ARK2N: variants seen among roughly 807,000 people sequenced by gnomAD.
The protein encoded by ARK2N is protein ARK2N.
chr18:46,188,701 T>C, the ARK2N span, among the ~76,000 whole-genome samples: 1 of 152,184 alleles, frequency 6.6e-6, no homozygotes, highest in African/African-American at 2.4e-5. Flanking sequence ...TTTTGAAATG[T>C]CAACTTATCT....
At chr18:46,173,706 G>A in the ARK2N span, 2 of 152,458 alleles carry the variant, frequency 1.3e-5, no homozygotes, top group African/African-American at 4.8e-5. Context: ...AAGGGCTTCA[G>A]GAGGGGGTGA....
the ARK2N span, among the ~76,000 whole-genome samples, chr18:46,182,571 C>T: frequency 1.3e-5 from 2 of 151,948 alleles, no homozygotes; most frequent in African/African-American, 4.8e-5. Context: ...AAGTGAAACC[C>T]TGTCTCTATT....
the ARK2N span, chr18:46,216,517 T>G: frequency 1.9e-6 from 3 of 1,614,154 alleles, no homozygotes; most frequent in East Asian, 6.7e-5. The surrounding 1 kb of genome is among the most constrained non-coding windows in gnomAD (Gnocchi z 4.3). Flanking sequence ...TGACCTGACT[T>G]GTGACTCAAG....
the ARK2N span, chr18:46,264,582 A>G: frequency 3.9e-5 from 6 of 152,596 alleles, no homozygotes; most frequent in African/African-American, 1.4e-4. Flanking sequence ...CAGCAAACAA[A>G]TTTACCAAGT....
chr18:46,229,065 T>C, the ARK2N span, among the ~76,000 whole-genome samples: 1 of 152,158 alleles, frequency 6.6e-6, no homozygotes, highest in African/African-American at 2.4e-5. Flanking sequence ...ATATTAAAAA[T>C]TTTTCCTAAA....
the ARK2N span, among the ~76,000 whole-genome samples, chr18:46,239,512 T>C: frequency 6.6e-6 from 1 of 152,250 alleles, no homozygotes; most frequent in African/African-American, 2.4e-5. Flanking sequence ...AGTGTTAACC[T>C]TATTTCTTTA....
the ARK2N span, among the ~76,000 whole-genome samples, chr18:46,183,916 C>T: frequency 7.6e-3 from 1,149 of 150,382 alleles, 19 homozygotes; most frequent in African/African-American, 0.024. Flanking sequence ...CTCCGTCTCC[C>T]GGGTTCAAGC....
the ARK2N span, among the ~76,000 whole-genome samples, chr18:46,208,462 ATCTTTTTTTT>A: frequency 7.3e-6 from 1 of 136,882 alleles, no homozygotes; most frequent in Non-Finnish European, 1.5e-5. Flanking sequence ...CTGTTCTTAA[ATCTTTTTTTT>A]TTTTTTTTTT....
chr18:46,187,198 C>T, the ARK2N span, among the ~76,000 whole-genome samples: 17 of 149,460 alleles, frequency 1.1e-4, no homozygotes, highest in African/African-American at 4.2e-4. Flanking sequence ...AGGAGAATCG[C>T]TTGAACCCGG....
the ARK2N span, among the ~76,000 whole-genome samples, chr18:46,207,910 A>G: frequency 1.3e-5 from 2 of 152,032 alleles, no homozygotes; most frequent in African/African-American, 4.8e-5. Context: ...CCCCATTTTT[A>G]GTGCTCTGTA....
the ARK2N span, among the ~76,000 whole-genome samples, chr18:46,239,258 G>A: frequency 6.6e-6 from 1 of 152,152 alleles, no homozygotes; most frequent in African/African-American, 2.4e-5. Flanking sequence ...TCCTCTTCCA[G>A]TAAGAACTTC....
At chr18:46,219,855 G>T in the ARK2N span, among the ~76,000 whole-genome samples, 2 of 152,094 alleles carry the variant, frequency 1.3e-5, no homozygotes, top group African/African-American at 4.8e-5. Flanking sequence ...TGTTCATGGG[G>T]GGTCAGTTTC....
chr18:46,193,920 A>G, the ARK2N span, among the ~76,000 whole-genome samples: 14 of 151,968 alleles, frequency 9.2e-5, no homozygotes, highest in Non-Finnish European at 1.8e-4. Flanking sequence ...ATTGTAGTGG[A>G]TATTTACACA....
At chr18:46,251,919 C>T in the ARK2N span, among the ~76,000 whole-genome samples, 1,286 of 152,142 alleles carry the variant, frequency 8.5e-3, 53 homozygotes, top group East Asian at 0.12. Context: ...TGGCCAGGTG[C>T]GGTGGCTTAA....
the ARK2N span, among the ~76,000 whole-genome samples, chr18:46,208,280 A>T: frequency 2.0e-5 from 3 of 152,160 alleles, no homozygotes; most frequent in Non-Finnish European, 2.9e-5. Context: ...TTATGCTTTA[A>T]GAAATTTGCA....
At chr18:46,193,541 G>C in the ARK2N span, among the ~76,000 whole-genome samples, 1 of 150,652 alleles carries the variant, frequency 6.6e-6, no homozygotes, top group East Asian at 2.0e-4. Context: ...CACCCACCTC[G>C]GCCTCCCAAA....
the ARK2N span, chr18:46,216,574 A>G: frequency 1.2e-6 from 2 of 1,613,478 alleles, no homozygotes; most frequent in Non-Finnish European, 1.7e-6. This position sits in a 1 kb window ranked among gnomAD's most constrained non-coding sequence, Gnocchi z 4.3. Context: ...GAGCAGCAAG[A>G]CAATCACTGC....
chr18:46,182,054 C>T, the ARK2N span, among the ~76,000 whole-genome samples: 8 of 152,002 alleles, frequency 5.3e-5, no homozygotes, highest in Non-Finnish European at 1.0e-4. Flanking sequence ...TGTTAGGTGC[C>T]TTATAATTAG....
At chr18:46,227,724 A>C in the ARK2N span, among the ~76,000 whole-genome samples, 1 of 152,090 alleles carries the variant, frequency 6.6e-6, no homozygotes, top group African/African-American at 2.4e-5. Context: ...CAGCCTCCTA[A>C]GTAGTTGGGA....
Sources: gnomAD v4.1 joint callset for allele counts (sites outside exome capture counted in the v4.1 genomes callset) on GRCh38, gnomAD v4.1.1 for gene constraint, Gnocchi (gnomAD v3.1) non-coding constraint, MANE v1.5 for transcripts, NCBI Gene and HGNC (gene_info 2026-07-23, HGNC 2026-07-21) for gene names.